Variants in HELB observed in about 807,000 individuals in gnomAD.
HELB encodes the protein DNA 5'-3' helicase B.
Under a neutral mutation model 101.7 loss-of-function variants are expected in HELB, and 96 were observed. The observed-to-expected ratio is 0.94, with a 90% CI of 0.80 to 1.12. The LOEUF is 1.12. Among genes scored for constraint, HELB ranks in the 50% most tolerant of loss-of-function variants. The pLI is 0.00. For missense variants in HELB, 1,210 were observed against 1,291.9 expected, an observed-to-expected ratio of 0.94 and a Z score of 0.97; for synonymous variants, 437 against 459.7, an observed-to-expected ratio of 0.95 and a Z score of 0.63.
intron 11 of HELB, 139 bp downstream of exon 11, chr12:66,325,265 G>A (rs1262524911): frequency 5.1e-6 from 3 of 590,698 alleles, no homozygotes; most frequent in Non-Finnish European, 8.8e-6. Flanking sequence ...GAACATAATA[G>A]AGAAGACGCC....
chr12:66,304,719 G>GTT lies in HELB; in HGVS notation c.188-4_188-3dup. ...AGTTAACTTTTGTGGGTTTTTGTTT[G>GTT]TTTTTTTTTAGTTTCTATTTGTGAT... On this transcript the variant is annotated splice_polypyrimidine_tract_variant and intron_variant, in intron 1 of 12. Transcript: ENST00000247815. 1 of 1,555,254 alleles carries GTT rather than the reference G, an allele frequency of 6.4e-7. No individual in the cohort carries two copies. Among genetic ancestry groups the GTT allele is most frequent in the Non-Finnish European group, 8.7e-7 (1 of 1,152,722 alleles).
chr12:66,307,428 G>A (rs140098756), intron 3 of HELB, among the ~76,000 whole-genome samples: 153 of 152,258 alleles, frequency 1.0e-3, no homozygotes, highest in African/African-American at 3.4e-3. Context: ...AAGAAGGGAA[G>A]ATCATTTTTT....
At chr12:66,303,751 A>G (rs985802507) in intron 1 of HELB, among the ~76,000 whole-genome samples, 3 of 152,202 alleles carry the variant, frequency 2.0e-5, no homozygotes, top group African/African-American at 7.2e-5. Context: ...TTGTATAAGT[A>G]GTTTCCTGTG....
intron 1 of HELB, among the ~76,000 whole-genome samples, chr12:66,303,804 A>G (rs1052267405): frequency 6.6e-6 from 1 of 152,176 alleles, no homozygotes; most frequent in African/African-American, 2.4e-5. Flanking sequence ...CCTGTTATGT[A>G]TACTTTGTGA....
intron 1 of HELB, among the ~76,000 whole-genome samples, chr12:66,304,163 C>G (rs902184884): frequency 1.9e-4 from 29 of 152,122 alleles, no homozygotes; most frequent in African/African-American, 6.3e-4. Context: ...TGAAGCTTAC[C>G]CTCTAGTGTA....
chr12:66,323,958 T>A lies in HELB; in HGVS notation c.2298-25T>A, dbSNP rs780067630. 6 of 1,483,204 alleles carry A rather than the reference T, an allele frequency of 4.0e-6. No individual in the cohort carries two copies. In the South Asian group the frequency reaches 6.8e-5, roughly 17 times the overall value. 91.9% of individuals were successfully genotyped at this position (1,483,204 alleles called of 1,614,324 possible). ...AAACGGAGACTTTCCAAACTTTGAT[T>A]ATATATTATCATTTTCTATCCCAGA... On this transcript the variant is annotated intron_variant, in intron 9 of 12. Coordinates refer to ENST00000247815, the MANE Select transcript of HELB (RefSeq NM_001370285.1).
At chr12:66,321,914 T>C in intron 7 of HELB, 34 bp from the exon 8 acceptor site, 1 of 790,688 alleles carries the variant, frequency 1.3e-6, no homozygotes, top group Non-Finnish European at 2.2e-6. Flanking sequence ...ATTTGGTGAT[T>C]TGCTGTGTTA....
rs778095833 is a variant in HELB at position 66,306,533 on chromosome 12, C to T, written c.777+19C>T. The T allele has an allele frequency of 1.9e-6, 3 of 1,548,968 alleles. No homozygotes were observed. In the African/African-American group the frequency reaches 4.1e-5, roughly 21 times the overall value. ...TAGTAAAGTAAGTAAAACATTTGCT[C>T]AGCATATAGTAATCTTGTGTAAGGC... On this transcript the variant is annotated intron_variant, in intron 3 of 12. Coordinates refer to ENST00000247815, the MANE Select transcript of HELB (RefSeq NM_001370285.1).
chr12:66,318,566 T>A, intron 6 of HELB, 72 bp from the exon 7 acceptor site: 1 of 1,362,394 alleles, frequency 7.3e-7, no homozygotes, highest in East Asian at 2.4e-5. Context: ...ATAAGGACAT[T>A]AGCTCTGATC....
chr12:66,316,113 T>G (rs892931296), intron 6 of HELB, among the ~76,000 whole-genome samples: 3 of 152,198 alleles, frequency 2.0e-5, no homozygotes, highest in Non-Finnish European at 4.4e-5. Context: ...TACTTACCAT[T>G]GTGTTACAGT....
chr12:66,309,592 T>G, intron 3 of HELB, 114 bp from the exon 4 acceptor site: 1 of 602,788 alleles, frequency 1.7e-6, no homozygotes, highest in Middle Eastern at 4.5e-4. Context: ...TATGGTATTT[T>G]CTGTAAATTT....
Position 66,310,104 on chromosome 12 carries a change from A to G in HELB, c.1176A>G (p.Thr392=). ...VEKVLASIHT[T]KPENSSDDAL... ...AGGTGCTTGCCTCTATTCACACCAC[A>G]AAACCTGAGAATTCAAGCGATGATG... The change falls in exon 4 of 13, where the codon ACA becomes ACG. Residue 392 remains threonine (T), a synonymous_variant. Coordinates refer to ENST00000247815, the MANE Select transcript of HELB (RefSeq NM_001370285.1). 6.2e-7 allele frequency: 1 copy of G among 1,614,220 alleles called. No individual in the cohort carries two copies. The highest frequency in any genetic ancestry group is 1.1e-5 in the South Asian group (1 of 91,088).
intron 4 of HELB, 77 bp from the exon 5 acceptor site, chr12:66,313,909 C>A: frequency 1.4e-6 from 2 of 1,387,046 alleles, no homozygotes; most frequent in Non-Finnish European, 1.0e-6. Context: ...GAGTTTTGCC[C>A]CAAAATAACT....
Position 66,321,972 on chromosome 12 carries a change from T to C in HELB, c.2180T>C (p.Leu727Ser), listed in dbSNP as rs1390360889. ...HSCLYSAVKT[L>S]LQENNLQNAK... ...GGTTTATATTCTGCAGTTAAAACTT[T>C]ACTACAAGAAAATAACTTACAAAAT... The change falls in exon 8 of 13, where the codon TTA becomes TCA. Residue 727 changes from leucine (L) to serine (S), a missense_variant. This residue lies in a region of HELB where 740 missense variants were observed against 728.8 expected (regional missense o/e 1.02). Coordinates refer to ENST00000247815, the MANE Select transcript of HELB (RefSeq NM_001370285.1). The C allele has an allele frequency of 2.5e-6, 3 of 1,186,694 alleles. No individual in the cohort carries two copies. Among genetic ancestry groups the C allele is most frequent in the Admixed American group, 4.0e-5 (2 of 49,434 alleles). The allele number at this position is 1,186,694 out of a possible 1,614,324, so 73.5% of individuals were successfully genotyped here. A position where few individuals can be genotyped will look rare whatever the true frequency, so the allele number is the denominator to read the frequency against.
rs749976093 is a variant in HELB, at chr12:66,318,752, G to A, written c.2115G>A (p.Glu705=). 4 of 1,610,496 alleles carry A rather than the reference G, an allele frequency of 2.5e-6. No individual in the cohort carries two copies. The highest frequency in any genetic ancestry group is 2.2e-5 in the East Asian group (1 of 44,682). The change falls in exon 7 of 13, where the codon GAG becomes GAA. Residue 705 remains glutamate, a synonymous_variant. Coordinates refer to ENST00000247815, the MANE Select transcript of HELB (RefSeq NM_001370285.1). ...KTFIFVRLPE[E]DASSQSSKTN... is the part of the protein sequence containing the mutation. ...TTATTTTTGTCAGGCTCCCAGAAGAGGATGCCAGTTCTCAGTCATCTAAAA... is the reference window on the plus strand; with the variant it reads ...TTATTTTTGTCAGGCTCCCAGAAGAAGATGCCAGTTCTCAGTCATCTAAAA...
chr12:66,324,746 CAG>C (rs2053715653), intron 10 of HELB, among the ~76,000 whole-genome samples: 1 of 152,148 alleles, frequency 6.6e-6, no homozygotes, highest in South Asian at 2.1e-4. Flanking sequence ...CTGTTCTTCA[CAG>C]AGTCAAATTG....
chr12:66,314,249 A>G, intron 5 of HELB, 86 bp downstream of exon 5: 1 of 1,179,980 alleles, frequency 8.5e-7, no homozygotes, highest in Non-Finnish European at 1.2e-6. Context: ...TTGGTTGTTT[A>G]CACCAGAATT....
intron 10 of HELB, 111 bp from the exon 11 acceptor site, chr12:66,324,872 A>G (rs973000391): frequency 1.6e-5 from 21 of 1,306,648 alleles, no homozygotes; most frequent in East Asian, 4.8e-5. Flanking sequence ...TCTTAATGGT[A>G]ATTGTAATTC....
In HELB at chr12:66,305,017, CT is replaced by C. The variant is rs1358060164; in HGVS notation, c.477del (p.Phe159LeufsTer8). The C allele has an allele frequency of 5.6e-6, 9 of 1,613,688 alleles. No homozygotes were observed. Among genetic ancestry groups the C allele is most frequent in the Non-Finnish European group, 6.8e-6 (8 of 1,179,888 alleles). The part of the protein sequence containing the change: ...KEVSNYKNLN[F>X]ENLRETLRTF... ...AGGTATCAAACTACAAAAACCTAAA[CT>C]TTGAAAATCTTAGGGAAACACTAAG... On this transcript the variant is annotated frameshift_variant, in exon 2 of 13. Coordinates refer to ENST00000247815, the MANE Select transcript of HELB (RefSeq NM_001370285.1). LOFTEE classifies it high-confidence loss of function.
Sources: gnomAD v4.1 joint callset for allele counts (sites outside exome capture counted in the v4.1 genomes callset) on GRCh38, gnomAD v4.1.1 for gene constraint, gnomAD v4.1.1 regional missense constraint, MANE v1.5 for transcripts, NCBI Gene and HGNC (gene_info 2026-07-23, HGNC 2026-07-21) for gene names.